Variants in ZNF431 observed in about 807,000 individuals in gnomAD.
ZNF431 encodes the protein zinc finger protein 431.
A neutral mutation model predicts 57.0 loss-of-function variants in ZNF431; 34 were observed. The observed-to-expected ratio is 0.60, with a 90% confidence interval of 0.45 to 0.79. The LOEUF is 0.79. Among genes scored for constraint, ZNF431 ranks in the 30% least tolerant of loss-of-function variants. The pLI, the probability that ZNF431 is intolerant of heterozygous loss-of-function variation, is 0.00. For synonymous variants in ZNF431, 207 were observed against 220.3 expected (o/e 0.94, Z 0.54); for missense variants, 607 against 667.1 (o/e 0.91, Z 0.99).
At chr19:21,168,371 A>T (rs550882751) in intron 4 of ZNF431, among the ~76,000 whole-genome samples, 485 of 145,804 alleles carry the variant, frequency 3.3e-3, no homozygotes, top group African/African-American at 0.01. Flanking sequence ...CAAGACATGA[A>T]TTTTTTTTTT....
Position 21,186,470 on chromosome 19 carries a change from A to G in ZNF431, c.*2436A>G, listed in dbSNP as rs745533408. 11 of 152,214 alleles carry G rather than the reference A, an allele frequency of 7.2e-5. No homozygotes were observed. The highest frequency in any genetic ancestry group is 2.7e-4 in the African/African-American group (11 of 41,454). The allele number at this position is 152,214 out of a possible 1,614,324, so 9.4% of individuals were successfully genotyped here. A position where few individuals can be genotyped will look rare whatever the true frequency, so the allele number is the denominator to read the frequency against. Reference sequence around the variant, plus strand: ...TGTGTGTGTGAGTATGAGTTTGTACATATTTTCAGAAGGAAAGAATGATAC... The same window carrying G: ...TGTGTGTGTGAGTATGAGTTTGTACGTATTTTCAGAAGGAAAGAATGATAC... On this transcript the variant is annotated 3_prime_UTR_variant, in exon 5 of 5. Coordinates refer to ENST00000311048, the MANE Select transcript of ZNF431 (RefSeq NM_133473.4).
At chr19:21,149,969 T>A (rs1970222147) in intron 2 of ZNF431, 1 of 590,692 alleles carries the variant, frequency 1.7e-6, no homozygotes, top group Non-Finnish European at 3.2e-6. Context: ...ATCCACATCA[T>A]GCGCAATCAC....
In ZNF431 at chr19:21,183,154, G is replaced by C; in HGVS notation, c.851G>C (p.Gly284Ala). ...TLTTHKIIHTGEKPYRCEECG... is the reference protein window; with the variant it reads ...TLTTHKIIHTAEKPYRCEECG... Reference sequence around the variant, plus strand: ...ACTACACATAAGATAATTCATACTGGGGAGAAACCATATAGATGTGAAGAA... The same window carrying C: ...ACTACACATAAGATAATTCATACTGCGGAGAAACCATATAGATGTGAAGAA... The change falls in exon 5 of 5, where the codon GGG (glycine) becomes GCG (alanine). Residue 284 changes from glycine (G) to alanine (A), a missense_variant. By Grantham distance (60) the Gly-to-Ala change is moderately conservative. Transcript: ENST00000311048. 6.2e-7 allele frequency: 1 copy of C among 1,613,834 alleles called. No individual in the cohort carries two copies. Among genetic ancestry groups the C allele is most frequent in the Non-Finnish European group, 8.5e-7 (1 of 1,179,936 alleles).
chr19:21,189,688 T>A lies in ZNF431; in HGVS notation c.*5654T>A. The A allele has an allele frequency of 2.6e-6, 1 of 385,972 alleles. No homozygotes were observed. The highest frequency in any genetic ancestry group is 4.6e-6 in the Non-Finnish European group (1 of 218,780). 23.9% of individuals were successfully genotyped at this position (385,972 alleles called of 1,614,324 possible). On this transcript the variant is annotated 3_prime_UTR_variant, in exon 5 of 5. Coordinates refer to ENST00000311048, the MANE Select transcript of ZNF431 (RefSeq NM_133473.4). ...AGCCTTCCATTTCTTATAAATAACTTGCATCTGATGGTCACCATTTTACTC... is the reference window on the plus strand; with the variant it reads ...AGCCTTCCATTTCTTATAAATAACTAGCATCTGATGGTCACCATTTTACTC...
At chr19:21,146,924 A>G (rs528636493) in intron 2 of ZNF431, among the ~76,000 whole-genome samples, 2 of 152,318 alleles carry the variant, frequency 1.3e-5, no homozygotes, top group Middle Eastern at 3.4e-3. Context: ...TTGTAGAGGG[A>G]TGAAGATCCA....
At chr19:21,152,404 CT>C (rs1407805984) in intron 2 of ZNF431, among the ~76,000 whole-genome samples, 1 of 152,074 alleles carries the variant, frequency 6.6e-6, no homozygotes, top group Non-Finnish European at 1.5e-5. Context: ...TAAGTTTTCC[CT>C]TTTGGACAAG....
chr19:21,153,584 T>C (rs967231384), intron 2 of ZNF431, among the ~76,000 whole-genome samples: 14 of 152,376 alleles, frequency 9.2e-5, no homozygotes, highest in African/African-American at 3.4e-4. Context: ...CTTTGTCATA[T>C]ACATTTCTTC....
At chr19:21,148,853 AG>A (rs1333447586) in intron 2 of ZNF431, among the ~76,000 whole-genome samples, 1 of 152,176 alleles carries the variant, frequency 6.6e-6, no homozygotes, top group Admixed American at 6.5e-5. Flanking sequence ...ATTAATAGTT[AG>A]GGGGTGTGGC....
intron 2 of ZNF431, among the ~76,000 whole-genome samples, chr19:21,144,714 A>G (rs1449881456): frequency 6.6e-6 from 1 of 152,198 alleles, no homozygotes; most frequent in Non-Finnish European, 1.5e-5. Flanking sequence ...CTACCAAGGA[A>G]AAGAATAGGG....
intron 4 of ZNF431, among the ~76,000 whole-genome samples, chr19:21,173,050 T>C (rs1446628718): frequency 6.6e-6 from 1 of 152,210 alleles, no homozygotes; most frequent in Non-Finnish European, 1.5e-5. Context: ...TCAAGTGACA[T>C]AATATTTTCA....
rs780325354 is a variant in ZNF431 at position 21,157,534 on chromosome 19, CT to C, written c.97-8793del. ...AGCATCTGTTCATGTTTTTTGCCTA[CT>C]TTTTTTTCTTTTTTTTTAGACAGAG... On this transcript the variant is annotated intron_variant, in intron 2 of 4. Coordinates refer to ENST00000311048, the MANE Select transcript of ZNF431 (RefSeq NM_133473.4). 2.1e-4 allele frequency among the ~76,000 whole-genome samples: 32 copies of C among 151,674 alleles called. No homozygotes were observed. The East Asian group carries it at 5.3e-3, about 25-fold the overall frequency.
intron 4 of ZNF431, among the ~76,000 whole-genome samples, chr19:21,171,838 A>G (rs1324290215): frequency 6.7e-6 from 1 of 148,396 alleles, no homozygotes; most frequent in Non-Finnish European, 1.5e-5. Context: ...CTCCTGCCTC[A>G]GCCTCCTGAG....
chr19:21,190,469 T>C lies in ZNF431; in HGVS notation c.*6435T>C, dbSNP rs1971486061. On this transcript the variant is annotated 3_prime_UTR_variant, in exon 5 of 5. Transcript: ENST00000311048. ...CACCAACAGTGTGCAAGGATTCCGT[T>C]TTCTTCACATCTTTACCAACACTTT... is the stretch of plus-strand genomic sequence containing the variant. 1 of 152,202 alleles carries C rather than the reference T, an allele frequency of 6.6e-6. No individual in the cohort carries two copies. The highest frequency in any genetic ancestry group is 1.5e-5 in the Non-Finnish European group (1 of 68,034). 9.4% of individuals were successfully genotyped at this position (152,202 alleles called of 1,614,324 possible).
intron 2 of ZNF431, among the ~76,000 whole-genome samples, chr19:21,160,686 G>A (rs1970545318): frequency 1.3e-5 from 2 of 152,154 alleles, no homozygotes; most frequent in African/African-American, 4.8e-5. Context: ...GCTGACAAGA[G>A]TGATTAATTC....
At chr19:21,173,264 T>C (rs1970958664) in intron 4 of ZNF431, among the ~76,000 whole-genome samples, 1 of 152,222 alleles carries the variant, frequency 6.6e-6, no homozygotes, top group South Asian at 2.1e-4. Context: ...CAAATATGTC[T>C]TCTAGGTCCT....
chr19:21,148,681 A>C (rs542286630), intron 2 of ZNF431, among the ~76,000 whole-genome samples: 1 of 152,212 alleles, frequency 6.6e-6, no homozygotes, highest in Non-Finnish European at 1.5e-5. Context: ...AATTCCTTGC[A>C]TGTAAAACTG....
intron 4 of ZNF431, chr19:21,175,358 T>C (rs1348860891): frequency 4.4e-6 from 3 of 676,942 alleles, no homozygotes; most frequent in Non-Finnish European, 8.0e-6. Context: ...ATTTAACTAA[T>C]TTTTAAAATG....
At chr19:21,169,731 A>C (rs1970828073) in intron 4 of ZNF431, 5 of 398,404 alleles carry the variant, frequency 1.3e-5, no homozygotes, top group African/African-American at 2.1e-5. Flanking sequence ...CCCTATCAGG[A>C]TGTGAATGGG....
chr19:21,154,327 T>A (rs1365067897), intron 2 of ZNF431, among the ~76,000 whole-genome samples: 1 of 152,202 alleles, frequency 6.6e-6, no homozygotes, highest in Non-Finnish European at 1.5e-5. Flanking sequence ...ACTTCATCCA[T>A]GTCCCTACAA....
Sources: allele counts gnomAD v4.1 joint callset (sites outside exome capture counted in the v4.1 genomes callset), GRCh38; gene constraint gnomAD v4.1.1; transcripts MANE v1.5; gene names NCBI Gene and HGNC (gene_info 2026-07-23, HGNC 2026-07-21).